The following PTPRD variants were observed in gnomAD, a reference collection of about 807,000 sequenced individuals.
PTPRD encodes receptor-type tyrosine-protein phosphatase delta.
PTPRD carries 34 observed loss-of-function variants against 214.5 expected under a neutral mutation model. The observed-to-expected ratio is 0.16, with a 90% CI of 0.12 to 0.21. The LOEUF is 0.21. Ranked by LOEUF, PTPRD falls within the 10% of genes least tolerant of loss-of-function variation. The pLI is 1.00. For missense variants in PTPRD, 2,545 were observed against 2,398.7 expected, an observed-to-expected ratio of 1.06 and a Z score of -1.27; for synonymous variants, 1,128 against 845.7, an observed-to-expected ratio of 1.33 and a Z score of -5.79.
At chr9:9,241,103 G>T (rs927769077) in intron 9 of PTPRD, among the ~76,000 whole-genome samples, 1 of 152,070 alleles carries the variant, frequency 6.6e-6, no homozygotes, top group Admixed American at 6.6e-5. Context: ...AACAGAGTAA[G>T]AATTAATTCG....
At chr9:9,954,107 C>A (rs1044689018) in intron 4 of PTPRD, among the ~76,000 whole-genome samples, 5 of 151,594 alleles carry the variant, frequency 3.3e-5, no homozygotes, top group African/African-American at 1.2e-4. Context: ...ACCAGTGGGG[C>A]CAACATGATG....
At chr9:10,466,951 A>C (rs2098998749) in intron 2 of PTPRD, among the ~76,000 whole-genome samples, 1 of 152,160 alleles carries the variant, frequency 6.6e-6, no homozygotes, top group South Asian at 2.1e-4. Flanking sequence ...TGTCCAGAGG[A>C]TGCACTCTTT....
At chr9:8,559,049 T>A (rs1174593690) in intron 14 of PTPRD, among the ~76,000 whole-genome samples, 16 of 152,222 alleles carry the variant, frequency 1.1e-4, no homozygotes, top group African/African-American at 3.4e-4. Context: ...ACTGAAGTTT[T>A]ACTTGTTTCT....
intron 4 of PTPRD, among the ~76,000 whole-genome samples, chr9:9,974,507 G>A (rs1304407652): frequency 6.6e-6 from 1 of 152,094 alleles, no homozygotes; most frequent in Non-Finnish European, 1.5e-5. Context: ...CCTGGCATAA[G>A]GATATTTTAT....
chr9:9,825,322 AAGAG>A (rs1014660232), intron 5 of PTPRD, among the ~76,000 whole-genome samples: 29 of 151,702 alleles, frequency 1.9e-4, no homozygotes, highest in African/African-American at 4.1e-4. Flanking sequence ...AAGAGAAAGA[AAGAG>A]AGAGAGAAAG....
In PTPRD at chr9:10,416,414, T is replaced by C. The variant is rs145030948; in HGVS notation, c.-599-75397A>G. Among the ~76,000 whole-genome samples the C allele has an allele frequency of 4.6e-5, 7 of 151,672 alleles. 1 individual carries two copies. The highest frequency in any genetic ancestry group is 3.9e-4 in the East Asian group (2 of 5,094). ...ACAAACAAACACCCAATGTTTGAAA[T>C]AGAAATGCTCAAGATGAGTGGTATA... is the stretch of plus-strand genomic sequence containing the variant. On this transcript the variant is annotated intron_variant, in intron 2 of 45. Coordinates refer to ENST00000381196, the MANE Select transcript of PTPRD (RefSeq NM_002839.4).
At chr9:10,123,838 A>G (rs2098795392) in intron 3 of PTPRD, among the ~76,000 whole-genome samples, 1 of 152,102 alleles carries the variant, frequency 6.6e-6, no homozygotes, top group South Asian at 2.1e-4. Flanking sequence ...CTGGCTGGAG[A>G]GTAACTTTCT....
At chr9:8,563,062 T>C (rs1354317197) in intron 14 of PTPRD, among the ~76,000 whole-genome samples, 1 of 152,170 alleles carries the variant, frequency 6.6e-6, no homozygotes, top group East Asian at 1.9e-4. Context: ...TAAATAATAA[T>C]AAACTACTGA....
chr9:9,732,199 T>G (rs1343238396), intron 7 of PTPRD, among the ~76,000 whole-genome samples: 1 of 152,022 alleles, frequency 6.6e-6, no homozygotes, highest in Non-Finnish European at 1.5e-5. Context: ...GGGAGAAAAC[T>G]GAACAACCTT....
intron 8 of PTPRD, among the ~76,000 whole-genome samples, chr9:9,487,049 C>T (rs1180534802): frequency 2.0e-5 from 3 of 151,976 alleles, no homozygotes; most frequent in Non-Finnish European, 2.9e-5. Context: ...CCAGTCATTA[C>T]TCATTTTCTT....
intron 4 of PTPRD, among the ~76,000 whole-genome samples, chr9:9,998,555 T>C (rs1396966986): frequency 2.1e-5 from 1 of 47,412 alleles, no homozygotes. Flanking sequence ...ATAGCTCTAC[T>C]AGTCAAAAAA....
chr9:8,651,050 C>A (rs558693608), intron 12 of PTPRD, among the ~76,000 whole-genome samples: 1 of 152,102 alleles, frequency 6.6e-6, no homozygotes, highest in Non-Finnish European at 1.5e-5. Context: ...CAATTGAGCA[C>A]ATGTAGCAAG....
chr9:9,720,814 A>AG (rs1393495259), intron 7 of PTPRD, among the ~76,000 whole-genome samples: 1 of 151,918 alleles, frequency 6.6e-6, no homozygotes, highest in Non-Finnish European at 1.5e-5. Flanking sequence ...ATGCAACCAA[A>AG]AAAAAGAATG....
At chr9:9,822,977 A>G (rs1378788146) in intron 5 of PTPRD, among the ~76,000 whole-genome samples, 2 of 152,138 alleles carry the variant, frequency 1.3e-5, no homozygotes, top group African/African-American at 4.8e-5. Context: ...TTCTTATCCA[A>G]AAGAAAGAAA....
intron 8 of PTPRD, among the ~76,000 whole-genome samples, chr9:9,430,662 G>T (rs1388908036): frequency 6.6e-6 from 1 of 152,154 alleles, no homozygotes; most frequent in Non-Finnish European, 1.5e-5. Context: ...ATACTACAAT[G>T]CTACAGTAAC....
intron 10 of PTPRD, among the ~76,000 whole-genome samples, chr9:9,077,698 G>A (rs1361134629): frequency 3.3e-5 from 5 of 152,012 alleles, no homozygotes; most frequent in African/African-American, 1.2e-4. Flanking sequence ...ACTTTACTGG[G>A]GGAGGGAGGA....
At chr9:9,493,819 A>G (rs1317192505) in intron 8 of PTPRD, among the ~76,000 whole-genome samples, 5 of 151,724 alleles carry the variant, frequency 3.3e-5, no homozygotes, top group African/African-American at 1.2e-4. Context: ...AAGAAAAGAA[A>G]AGAAAAGAAA....
At chr9:9,405,622 G>A (rs993232661) in intron 8 of PTPRD, among the ~76,000 whole-genome samples, 1 of 151,934 alleles carries the variant, frequency 6.6e-6, no homozygotes, top group Non-Finnish European at 1.5e-5. Flanking sequence ...TTATAGTTCG[G>A]GTTTGTGCTC....
chr9:10,135,692 T>C (rs1374472420), intron 3 of PTPRD, among the ~76,000 whole-genome samples: 1 of 152,070 alleles, frequency 6.6e-6, no homozygotes, highest in African/African-American at 2.4e-5. Context: ...ATAAATTTGT[T>C]ACCACTAGAC....
Sources: allele counts gnomAD v4.1 joint callset (sites outside exome capture counted in the v4.1 genomes callset), GRCh38; gene constraint gnomAD v4.1.1; transcripts MANE v1.5; gene names NCBI Gene and HGNC (gene_info 2026-07-23, HGNC 2026-07-21).